Variants in LRRC4C observed in about 807,000 individuals in gnomAD.
LRRC4C encodes leucine-rich repeat-containing protein 4C.
In LRRC4C, 5 loss-of-function variants were observed where a neutral mutation model predicts 33.6. That is an observed-to-expected ratio of 0.15 (90% CI 0.08 to 0.31). LRRC4C has a LOEUF of 0.31. LRRC4C is among the 10% of genes least tolerant of loss of function. The pLI, the probability that LRRC4C is intolerant of heterozygous loss-of-function variation, is 1.00. For synonymous variants in LRRC4C, 329 were observed against 302.0 expected, an observed-to-expected ratio of 1.09 and a Z score of -0.93; for missense variants, 560 against 796.7, an observed-to-expected ratio of 0.70 and a Z score of 3.58.
intron 4 of LRRC4C, among the ~76,000 whole-genome samples, chr11:40,279,485 A>G (rs556209756): frequency 6.6e-6 from 1 of 152,184 alleles, no homozygotes; most frequent in African/African-American, 2.4e-5. Context: ...TTTCTTCTGG[A>G]GGCATATGCT....
chr11:40,792,365 T>C (rs529726028), intron 2 of LRRC4C, among the ~76,000 whole-genome samples: 1 of 152,290 alleles, frequency 6.6e-6, no homozygotes, highest in East Asian at 1.9e-4. Context: ...AAAAGAAGTT[T>C]AATGGTAAAT....
chr11:40,357,613 C>T lies in LRRC4C; in HGVS notation c.-269-37892G>A, dbSNP rs188553124. Among the ~76,000 whole-genome samples the T allele has an allele frequency of 2.6e-3, 393 of 152,060 alleles. 2 individuals are homozygous for T. The highest frequency in any genetic ancestry group is 9.2e-3 in the African/African-American group (383 of 41,474). On this transcript the variant is annotated intron_variant, in intron 3 of 6. Transcript: ENST00000528697. ...TATTTCCTTCTGTAAAACTCCATTA[C>T]CCAGCAAAAAAATAGACACTCTTAA...
Position 40,114,887 on chromosome 11 carries a change from G to A in LRRC4C, c.1406C>T (p.Ala469Val), listed in dbSNP as rs2134562530. ...ACCCACATTGTTATCTGTGGTCCGT[G>A]CCTCATCCTGAGACGGTTCCATAGT... The part of the protein sequence containing the change: ...VETMEPSQDE[A>V]RTTDNNVGPT... Residue 469 changes from alanine to valine, a missense_variant, in exon 7 of 7, where the codon GCA becomes GTA. Around this residue, in one of 3 missense-constraint regions of LRRC4C, gnomAD observed 455 missense variants for 643.8 expected, o/e 0.71. Transcript: ENST00000528697. 6.2e-7 allele frequency: 1 copy of A among 1,614,164 alleles called. No individual in the cohort carries two copies. Among genetic ancestry groups the A allele is most frequent in the Non-Finnish European group, 8.5e-7 (1 of 1,180,024 alleles).
chr11:41,391,780 A>G (rs1235697696), intron 1 of LRRC4C, among the ~76,000 whole-genome samples: 2 of 151,948 alleles, frequency 1.3e-5, no homozygotes, highest in Non-Finnish European at 2.9e-5. Flanking sequence ...GCTATCTGCC[A>G]AACCCTCAGT....
rs565705468 is a variant in LRRC4C, at chr11:41,299,599, G to A, written c.-496+159832C>T. On this transcript the variant is annotated intron_variant, in intron 1 of 6. Transcript: ENST00000528697. ...AGGATCACTAAGTTTAGGAGAGAGG[G>A]TATTTTGTAAAATAAAGTGAATTTA... Among the ~76,000 whole-genome samples the A allele has an allele frequency of 8.5e-5, 13 of 152,180 alleles. No homozygotes were observed. The South Asian group carries it at 1.4e-3, about 17-fold the overall frequency.
intron 1 of LRRC4C, among the ~76,000 whole-genome samples, chr11:40,957,641 T>C (rs1959018524): frequency 6.6e-6 from 1 of 151,680 alleles, no homozygotes; most frequent in South Asian, 2.1e-4. Flanking sequence ...ACAAAAGAGA[T>C]GGTACTAGAA....
intron 1 of LRRC4C, among the ~76,000 whole-genome samples, chr11:41,172,932 A>G (rs964240918): frequency 3.9e-5 from 6 of 152,112 alleles, no homozygotes; most frequent in African/African-American, 1.2e-4. Context: ...TGCTTTCTAG[A>G]TAAGGAGACT....
chr11:41,218,152 A>T (rs1215406338), intron 1 of LRRC4C, among the ~76,000 whole-genome samples: 1 of 152,176 alleles, frequency 6.6e-6, no homozygotes, highest in Non-Finnish European at 1.5e-5. Context: ...AAAAAAAAAA[A>T]AACTTTAGTC....
chr11:41,359,021 G>A, intron 1 of LRRC4C, among the ~76,000 whole-genome samples: 1 of 151,894 alleles, frequency 6.6e-6, no homozygotes, highest in Non-Finnish European at 1.5e-5. Context: ...TCAGACAATG[G>A]AATTCAGTTC....
intron 3 of LRRC4C, among the ~76,000 whole-genome samples, chr11:40,588,540 G>C (rs1210105536): frequency 6.6e-6 from 1 of 151,288 alleles, no homozygotes; most frequent in African/African-American, 2.4e-5. Flanking sequence ...GTTTGCTCTT[G>C]CTTTTCTAGT....
intron 1 of LRRC4C, among the ~76,000 whole-genome samples, chr11:41,375,660 A>G (rs559697375): frequency 5.3e-5 from 8 of 152,198 alleles, no homozygotes; most frequent in Non-Finnish European, 8.8e-5. Context: ...AGGATGGTAG[A>G]GAGCCAAACT....
intron 1 of LRRC4C, among the ~76,000 whole-genome samples, chr11:41,338,585 C>T (rs1328093759): frequency 1.3e-5 from 2 of 151,958 alleles, no homozygotes; most frequent in South Asian, 4.2e-4. Flanking sequence ...ATAGCTAACA[C>T]ATATGGTGCT....
intron 3 of LRRC4C, among the ~76,000 whole-genome samples, chr11:40,329,744 T>C (rs865871416): frequency 0.082 from 11,796 of 143,796 alleles, 369 homozygotes; most frequent in Non-Finnish European, 0.12. Context: ...TTTCTTTTTT[T>C]TTTTTTTTTT....
At chr11:40,350,479 GT>G (rs1947333938) in intron 3 of LRRC4C, among the ~76,000 whole-genome samples, 1 of 152,032 alleles carries the variant, frequency 6.6e-6, no homozygotes, top group Admixed American at 6.6e-5. Flanking sequence ...GTACAATGAT[GT>G]TTTGGTTACT....
At chr11:40,147,448 T>C (rs1857835026) in intron 5 of LRRC4C, among the ~76,000 whole-genome samples, 1 of 152,110 alleles carries the variant, frequency 6.6e-6, no homozygotes, top group Non-Finnish European at 1.5e-5. Context: ...GCTGCTCAAA[T>C]TTCTAGATTC....
intron 5 of LRRC4C, among the ~76,000 whole-genome samples, chr11:40,179,648 C>T (rs890546657): frequency 1.3e-5 from 2 of 152,134 alleles, no homozygotes; most frequent in African/African-American, 2.4e-5. Flanking sequence ...GAGATCAGGA[C>T]CCCCGCATCC....
At chr11:40,777,499 GTT>G (rs57851988) in intron 2 of LRRC4C, among the ~76,000 whole-genome samples, 78,731 of 137,494 alleles carry the variant, frequency 0.57, 22,175 homozygotes, top group Middle Eastern at 0.63. Flanking sequence ...CTTTTTTACT[GTT>G]TTTTTTTTTT....
intron 3 of LRRC4C, among the ~76,000 whole-genome samples, chr11:40,442,987 A>C (rs1350839821): frequency 6.6e-6 from 1 of 152,190 alleles, no homozygotes; most frequent in Non-Finnish European, 1.5e-5. Flanking sequence ...AGTGATTCAA[A>C]AACTCTAATA....
At chr11:40,200,180 TAAAAAAAAAAAAAAAAAAAAAAA>T (rs56269292) in intron 5 of LRRC4C, among the ~76,000 whole-genome samples, 2 of 26,030 alleles carry the variant, frequency 7.7e-5, no homozygotes, top group African/African-American at 1.4e-4. Flanking sequence ...CTGTCTCCAC[TAAAAAAAAAAAAAAAAAAAAAAA>T]AAAAAAAAAA....
Sources: allele counts gnomAD v4.1 joint callset (sites outside exome capture counted in the v4.1 genomes callset), GRCh38; gene constraint gnomAD v4.1.1; regional missense constraint gnomAD v4.1.1; transcripts MANE v1.5; gene names NCBI Gene and HGNC (gene_info 2026-07-23, HGNC 2026-07-21).